Variants in PHF14 observed in about 807,000 individuals in gnomAD.
The protein encoded by PHF14 is PHD finger protein 14.
A neutral mutation model predicts 117.9 loss-of-function variants in PHF14; 55 were observed. The ratio of observed to expected loss-of-function variants is 0.47; its 90% CI spans 0.38 to 0.58. PHF14 has a LOEUF of 0.58. Among genes scored for constraint, PHF14 ranks in the 20% least tolerant of loss-of-function variants. The pLI is 0.00. For synonymous variants in PHF14, 409 were observed against 368.6 expected, an observed-to-expected ratio of 1.11 and a Z score of -1.26; for missense variants, 978 against 1,122.2, an observed-to-expected ratio of 0.87 and a Z score of 1.84.
intron 17 of PHF14, among the ~76,000 whole-genome samples, chr7:11,157,990 A>C (rs1338022349): frequency 6.6e-6 from 1 of 152,172 alleles, no homozygotes; most frequent in Non-Finnish European, 1.5e-5. Context: ...GAGTTGTAAA[A>C]ATAGGATGGA....
intron 4 of PHF14, among the ~76,000 whole-genome samples, chr7:10,995,887 C>T (rs947716231): frequency 2.6e-5 from 4 of 152,212 alleles, no homozygotes; most frequent in African/African-American, 4.8e-5. Context: ...TGCACAGCCC[C>T]GGTTCCCACC....
At chr7:11,127,846 C>T (rs1787970095) in intron 17 of PHF14, among the ~76,000 whole-genome samples, 1 of 152,026 alleles carries the variant, frequency 6.6e-6, no homozygotes, top group African/African-American at 2.4e-5. Context: ...TTCACTCACC[C>T]ATGAGTCCTA....
At position 10,982,660 on chromosome 7, in the gene PHF14, A is replaced by G. The variant is rs1583326073; in HGVS notation, c.401A>G (p.Glu134Gly). ...EKEKEKEREK[E>G]KEKATVSENV... is the part of the protein sequence containing the mutation. ...GAGAAAGAGAAGGAAAGAGAGAAGG[A>G]AAAAGAAAAAGCAACAGTATCTGAG... Residue 134 changes from glutamate (E) to glycine (G), a missense_variant, in exon 3 of 18, where the codon GAA becomes GGA. Glu to Gly is a moderately conservative substitution (Grantham distance 98, BLOSUM62 -2). This residue lies in a region of PHF14 where 414 missense variants were observed against 376.4 expected (regional missense o/e 1.10). Transcript: ENST00000634607. 6.4e-7 allele frequency: 1 copy of G among 1,570,908 alleles called. No homozygotes were observed. Among genetic ancestry groups the G allele is most frequent in the East Asian group, 2.4e-5 (1 of 42,284 alleles).
chr7:11,048,800 C>T (rs777128114), intron 13 of PHF14, among the ~76,000 whole-genome samples: 1 of 152,138 alleles, frequency 6.6e-6, no homozygotes, highest in Non-Finnish European at 1.5e-5. Context: ...AGTGTGGACT[C>T]TATCTACTGC....
intron 4 of PHF14, among the ~76,000 whole-genome samples, chr7:10,997,815 C>T (rs137973257): frequency 2.6e-3 from 398 of 152,228 alleles, no homozygotes; most frequent in Non-Finnish European, 4.1e-3. Context: ...GAGAAAGAGA[C>T]GGAAGCAGTT....
intron 16 of PHF14, chr7:11,102,737 G>A (rs755382942): frequency 9.9e-5 from 136 of 1,372,120 alleles, no homozygotes; most frequent in Non-Finnish European, 1.2e-4. Context: ...TGCCTGTGTG[G>A]AATTTTTTTT....
intron 4 of PHF14, among the ~76,000 whole-genome samples, chr7:11,009,405 A>G (rs1783256941): frequency 6.6e-6 from 1 of 152,222 alleles, no homozygotes. Flanking sequence ...TGTACATTGC[A>G]TATATTAGTC....
chr7:11,104,461 G>A, intron 16 of PHF14: 1 of 975,530 alleles, frequency 1.0e-6, no homozygotes, highest in Non-Finnish European at 1.2e-6. Context: ...ACTACTATAA[G>A]GAGAAAATTG....
At chr7:11,168,257 G>C (rs1461957142) in intron 17 of PHF14, among the ~76,000 whole-genome samples, 1 of 152,084 alleles carries the variant, frequency 6.6e-6, no homozygotes, top group African/African-American at 2.4e-5. Flanking sequence ...TAATGATTCA[G>C]ATTGGTTGAT....
At chr7:11,065,527 C>G (rs774548759) in intron 16 of PHF14, among the ~76,000 whole-genome samples, 3 of 151,980 alleles carry the variant, frequency 2.0e-5, no homozygotes, top group Non-Finnish European at 4.4e-5. Context: ...AATTGAGTCA[C>G]AAAATATAAT....
intron 16 of PHF14, chr7:11,102,393 A>C (rs1386663616): frequency 1.5e-6 from 2 of 1,338,570 alleles, no homozygotes; most frequent in East Asian, 4.8e-5. Context: ...ATTTGAATCT[A>C]CTGTGGTTTG....
At chr7:11,102,479 T>C (rs1787126321) in intron 16 of PHF14, 20 of 1,608,954 alleles carry the variant, frequency 1.2e-5, no homozygotes, top group African/African-American at 2.7e-5. Context: ...ATCACTTTAC[T>C]GTGTAGATAC....
intron 16 of PHF14, among the ~76,000 whole-genome samples, chr7:11,066,263 C>A (rs1016973585): frequency 6.6e-6 from 1 of 152,070 alleles, no homozygotes; most frequent in African/African-American, 2.4e-5. Flanking sequence ...TCTCGTTATT[C>A]TGATTATAAT....
At chr7:11,036,920 C>T in intron 9 of PHF14, 65 bp from the exon 10 acceptor site, 2 of 1,078,596 alleles carry the variant, frequency 1.9e-6, no homozygotes, top group African/African-American at 1.6e-5. Context: ...ATCTTTATAG[C>T]TAGTTTCTTC....
intron 7 of PHF14, 117 bp from the exon 8 acceptor site, chr7:11,035,523 A>G (rs1784293902): frequency 1.9e-6 from 1 of 531,136 alleles, no homozygotes; most frequent in African/African-American, 1.9e-5. Context: ...GTAATTTATT[A>G]GATGTAACTA....
chr7:11,044,537 GT>G (rs1279238225), intron 13 of PHF14, among the ~76,000 whole-genome samples: 1 of 152,064 alleles, frequency 6.6e-6, no homozygotes, highest in Non-Finnish European at 1.5e-5. Context: ...CTTAGCTTTG[GT>G]TAGCAGTTAA....
intron 2 of PHF14, among the ~76,000 whole-genome samples, chr7:10,976,135 C>T (rs1198029820): frequency 6.6e-6 from 1 of 152,178 alleles, no homozygotes; most frequent in Non-Finnish European, 1.5e-5. Flanking sequence ...GTCTGTTTAT[C>T]TGCTTGGATC....
At chr7:10,987,917 G>A (rs1782280496) in intron 3 of PHF14, among the ~76,000 whole-genome samples, 1 of 150,966 alleles carries the variant, frequency 6.6e-6, no homozygotes, top group Admixed American at 6.6e-5. Context: ...TCGGGAGGCT[G>A]AGGCAGGAGA....
chr7:11,145,209 C>A (rs938169044), intron 17 of PHF14, among the ~76,000 whole-genome samples: 6 of 151,822 alleles, frequency 4.0e-5, no homozygotes, highest in Admixed American at 2.0e-4. Flanking sequence ...GCAAAATATT[C>A]CTGATATTTT....
Sources: gnomAD v4.1 joint callset for allele counts (sites outside exome capture counted in the v4.1 genomes callset) on GRCh38, gnomAD v4.1.1 for gene constraint, gnomAD v4.1.1 regional missense constraint, MANE v1.5 for transcripts, NCBI Gene and HGNC (gene_info 2026-07-23, HGNC 2026-07-21) for gene names.